The following LRRC57 variants were observed in gnomAD, a reference collection of about 807,000 sequenced individuals.
LRRC57 encodes leucine-rich repeat-containing protein 57.
Under a neutral mutation model 23.1 loss-of-function variants are expected in LRRC57, and 14 were observed. The observed-to-expected ratio is 0.61, with a 90% CI of 0.40 to 0.95. The LOEUF (loss-of-function observed/expected upper bound fraction) is 0.95. Among genes scored for constraint, LRRC57 ranks in the 40% least tolerant of loss-of-function variants. The pLI is 0.00. For synonymous variants in LRRC57, 106 were observed against 115.2 expected (o/e 0.92, Z 0.51); for missense variants, 236 against 284.4 (o/e 0.83, Z 1.22).
Position 42,541,826 on chromosome 15 carries a change from C to A in LRRC57, c.*2257G>T, listed in dbSNP as rs1268347631. ...CCAGGCTGGAGTGCAGTGGCAAGATCTCCGCTCACTGCAAGCTCCGCCTCC... is the reference window on the plus strand; with the variant it reads ...CCAGGCTGGAGTGCAGTGGCAAGATATCCGCTCACTGCAAGCTCCGCCTCC... On this transcript the variant is annotated 3_prime_UTR_variant, in exon 6 of 6. Coordinates refer to ENST00000397130, the MANE Select transcript of LRRC57 (RefSeq NM_153260.3). The A allele has an allele frequency of 6.7e-6, 1 of 148,938 alleles. No individual in the cohort carries two copies. The highest frequency in any genetic ancestry group is 1.5e-5 in the Non-Finnish European group (1 of 67,712). 9.2% of individuals were successfully genotyped at this position (148,938 alleles called of 1,614,324 possible).
chr15:42,547,382 G>C lies in LRRC57; in HGVS notation c.371C>G (p.Pro124Arg), dbSNP rs1358598087. 6.2e-7 allele frequency: 1 copy of C among 1,614,082 alleles called. No homozygotes were observed. The highest frequency in any genetic ancestry group is 2.2e-5 in the East Asian group (1 of 44,894). ...GTGCCGTAGGCTACAAAGTTGGGGA[G>C]GTAATGCTCCCAGTTGGTTCCCAGA... ...SLSGNQLGAL[P>R]PQLCSLRHLD... The change falls in exon 4 of 6, where the codon CCT becomes CGT. Residue 124 changes from proline (P) to arginine (R), a missense_variant. Physicochemically the swap from Pro to Arg is moderately radical, Grantham distance 103 (BLOSUM62 -2). Coordinates refer to ENST00000397130, the MANE Select transcript of LRRC57 (RefSeq NM_153260.3).
downstream of LRRC57, among the ~76,000 whole-genome samples, chr15:42,537,058 A>G (rs1333613656): frequency 6.6e-6 from 1 of 152,170 alleles, no homozygotes; most frequent in Non-Finnish European, 1.5e-5. Flanking sequence ...TAACTTAAAC[A>G]TCTATGGCCC....
chr15:42,544,967 T>C (rs1409938243), intron 5 of LRRC57, 110 bp downstream of exon 5: 5 of 834,196 alleles, frequency 6.0e-6, no homozygotes, highest in South Asian at 2.0e-5. Flanking sequence ...ACTTCCAAAA[T>C]GGGGAAGAAC....
chr15:42,547,383 G>A lies in LRRC57; in HGVS notation c.370C>T (p.Pro124Ser). The A allele has an allele frequency of 6.2e-7, 1 of 1,614,196 alleles. No individual in the cohort carries two copies. Reference sequence around the variant, plus strand: ...TGCCGTAGGCTACAAAGTTGGGGAGGTAATGCTCCCAGTTGGTTCCCAGAG... The same window carrying A: ...TGCCGTAGGCTACAAAGTTGGGGAGATAATGCTCCCAGTTGGTTCCCAGAG... ...SLSGNQLGAL[P>S]PQLCSLRHLD... Residue 124 changes from proline (P) to serine (S), a missense_variant, in exon 4 of 6, where the codon CCT becomes TCT. Coordinates refer to ENST00000397130, the MANE Select transcript of LRRC57 (RefSeq NM_153260.3).
Position 42,541,564 on chromosome 15 carries a change from G to A in LRRC57, c.*2519C>T, listed in dbSNP as rs902418565. The A allele has an allele frequency of 2.0e-5, 3 of 152,128 alleles. No homozygotes were observed. The highest frequency in any genetic ancestry group is 6.6e-5 in the Admixed American group (1 of 15,258). The allele number at this position is 152,128 out of a possible 1,614,324, so 9.4% of individuals were successfully genotyped here. On this transcript the variant is annotated 3_prime_UTR_variant, in exon 6 of 6. Transcript: ENST00000397130. The stretch of plus-strand genomic sequence containing the variant: ...AGATTTACGTCAGAAAGATTTTGTC[G>A]TGGAGGTTAAATAGTAGGTTTGTGT...
At position 42,548,219 on chromosome 15, in the gene LRRC57, G is replaced by A. The variant is rs766454427; in HGVS notation, c.110C>T (p.Thr37Met). 1 of 1,614,198 alleles carries A rather than the reference G, an allele frequency of 6.2e-7. No homozygotes were observed. Among genetic ancestry groups the A allele is most frequent in the South Asian group, 1.1e-5 (1 of 91,090 alleles). Residue 37 changes from threonine (T) to methionine (M), a missense_variant, in exon 3 of 6, where the codon ACG becomes ATG. By Grantham distance (81) the Thr-to-Met change is moderately conservative. Coordinates refer to ENST00000397130, the MANE Select transcript of LRRC57 (RefSeq NM_153260.3). ...CAAGTCGATGGTCCTGAGATTGCTCGTCAGCTTCTGCAAGTCTGCGGGGAA... is the reference window on the plus strand; with the variant it reads ...CAAGTCGATGGTCCTGAGATTGCTCATCAGCTTCTGCAAGTCTGCGGGGAA... The part of the protein sequence containing the change: ...TEFPADLQKL[T>M]SNLRTIDLSN...
the LRRC57 span, chr15:42,531,526 C>A: frequency 7.0e-7 from 1 of 1,420,538 alleles, no homozygotes; most frequent in Non-Finnish European, 9.8e-7. Flanking sequence ...GTAGCTCCTC[C>A]TTGAAAGTTA....
chr15:42,528,464 T>A, the LRRC57 span: 2 of 1,577,662 alleles, frequency 1.3e-6, no homozygotes, highest in Non-Finnish European at 1.7e-6. Context: ...TCTTAATGAA[T>A]GGTTCACTTA....
At chr15:42,533,247 C>T (rs977359535), downstream of LRRC57, among the ~76,000 whole-genome samples, 2 of 152,128 alleles carry the variant, frequency 1.3e-5, no homozygotes, top group African/African-American at 4.8e-5. Flanking sequence ...TTAAACTTAC[C>T]TTGCTAAAAA....
At position 42,543,866 on chromosome 15, in the gene LRRC57, A is replaced by G. The variant is rs995018136; in HGVS notation, c.*217T>C. ...TGTCTATTGCCCTACTCATGACTCA[A>G]AACGGAAGACTTTTCCTGTCTCCTG... On this transcript the variant is annotated 3_prime_UTR_variant, in exon 6 of 6. Coordinates refer to ENST00000397130, the MANE Select transcript of LRRC57 (RefSeq NM_153260.3). The G allele has an allele frequency of 2.3e-6, 1 of 442,388 alleles. No homozygotes were observed. Among genetic ancestry groups the G allele is most frequent in the Non-Finnish European group, 4.1e-6 (1 of 245,760 alleles). The allele number at this position is 442,388 out of a possible 1,614,324, so 27.4% of individuals were successfully genotyped here.
In LRRC57 at chr15:42,548,463, G is replaced by C; in HGVS notation, c.-22-7C>G. 3 of 1,610,074 alleles carry C rather than the reference G, an allele frequency of 1.9e-6. No homozygotes were observed. Among genetic ancestry groups the C allele is most frequent in the Non-Finnish European group, 2.5e-6 (3 of 1,179,072 alleles). On this transcript the variant is annotated splice_polypyrimidine_tract_variant and splice_region_variant and intron_variant, in intron 1 of 5. Transcript: ENST00000397130. ...AGCGCCGCGGCTCAGGTCCCTGCGG[G>C]AAGGAAGCGCTGCTGTCACCGCCCA...
downstream of LRRC57, among the ~76,000 whole-genome samples, chr15:42,533,892 T>C (rs773680849): frequency 7.2e-5 from 11 of 152,218 alleles, no homozygotes; most frequent in African/African-American, 1.2e-4. Flanking sequence ...GCAATAGCAT[T>C]ATGTCTTTAA....
chr15:42,544,160 G>A (rs2057644896), intron 5 of LRRC57, 36 bp from the exon 6 acceptor site: 2 of 1,546,260 alleles, frequency 1.3e-6, no homozygotes, highest in Non-Finnish European at 1.8e-6. Flanking sequence ...GGGGTATTTT[G>A]GCATGAGTAA....
rs779761726 is a variant in LRRC57, at chr15:42,548,094, C to A, written c.223+12G>T. 1.2e-6 allele frequency: 2 copies of A among 1,613,830 alleles called. No homozygotes were observed. Among genetic ancestry groups the A allele is most frequent in the East Asian group, 4.5e-5 (2 of 44,880 alleles). ...TGATCACTAGCAAAAGCCTCCCTGG[C>A]GAGAGCCATACTCAGTTTGTTGTTG... On this transcript the variant is annotated intron_variant, in intron 3 of 5. Transcript: ENST00000397130.
At chr15:42,535,073 C>T (rs7181938), downstream of LRRC57, among the ~76,000 whole-genome samples, 7,203 of 152,286 alleles carry the variant, frequency 0.047, 567 homozygotes, top group African/African-American at 0.16. Flanking sequence ...TTCTCTCTAG[C>T]TATGGGAGTC....
In LRRC57 at chr15:42,538,877, A is replaced by C. The variant is rs574882269; in HGVS notation, c.*5206T>G. ...AATATACTACATTGCCTTCCAAACC[A>C]AGCTGTAAAAAATTTGGGTGACTTG... is the stretch of plus-strand genomic sequence containing the variant. On this transcript the variant is annotated 3_prime_UTR_variant, in exon 6 of 6. Transcript: ENST00000397130. 6.6e-6 allele frequency: 1 copy of C among 152,092 alleles called. No homozygotes were observed. Among genetic ancestry groups the C allele is most frequent in the African/African-American group, 2.4e-5 (1 of 41,392 alleles). The allele number at this position is 152,092 out of a possible 1,614,324, so 9.4% of individuals were successfully genotyped here. A position where few individuals can be genotyped will look rare whatever the true frequency, so the allele number is the denominator to read the frequency against.
chr15:42,528,524 T>A, the LRRC57 span: 2 of 1,116,196 alleles, frequency 1.8e-6, no homozygotes, highest in Non-Finnish European at 2.6e-6. Context: ...ATAAAAATTG[T>A]ATTTATTCCA....
rs983576427 is a variant in LRRC57 at position 42,542,475 on chromosome 15, T to A, written c.*1608A>T. 6.6e-6 allele frequency: 1 copy of A among 152,436 alleles called. No homozygotes were observed. The highest frequency in any genetic ancestry group is 1.5e-5 in the Non-Finnish European group (1 of 68,042). The allele number at this position is 152,436 out of a possible 1,614,324, so 9.4% of individuals were successfully genotyped here. ...TCCTAATCTATTTATAGGTTTAAGT[T>A]CTCCTGTCCTCCTCCTTTAAAGGAT... On this transcript the variant is annotated 3_prime_UTR_variant, in exon 6 of 6. Coordinates refer to ENST00000397130, the MANE Select transcript of LRRC57 (RefSeq NM_153260.3).
At chr15:42,530,362 G>GT in the LRRC57 span, among the ~76,000 whole-genome samples, 2 of 152,220 alleles carry the variant, frequency 1.3e-5, no homozygotes, top group South Asian at 4.1e-4. Flanking sequence ...ATAGAGTCAT[G>GT]TGAGTGAAAG....
Sources: gnomAD v4.1 joint callset for allele counts (sites outside exome capture counted in the v4.1 genomes callset) on GRCh38, gnomAD v4.1.1 for gene constraint, MANE v1.5 for transcripts, NCBI Gene and HGNC (gene_info 2026-07-23, HGNC 2026-07-21) for gene names.